Variants in LRRC4C observed in about 807,000 individuals in gnomAD.
The protein encoded by LRRC4C is leucine rich repeat containing 4C, also known as leucine-rich repeat-containing protein 4C.
Under a neutral mutation model 33.6 loss-of-function variants are expected in LRRC4C, and 5 were observed. That is an observed-to-expected ratio of 0.15 (90% CI 0.08 to 0.31). The LOEUF is 0.31. Among genes scored for constraint, LRRC4C ranks in the 10% least tolerant of loss-of-function variants. LRRC4C has a pLI of 1.00. For synonymous variants in LRRC4C, 329 were observed against 302.0 expected, an observed-to-expected ratio of 1.09 and a Z score of -0.93; for missense variants, 560 against 796.7, an observed-to-expected ratio of 0.70 and a Z score of 3.58.
intron 1 of LRRC4C, among the ~76,000 whole-genome samples, chr11:41,437,350 C>T (rs1460813221): frequency 6.6e-6 from 1 of 152,030 alleles, no homozygotes; most frequent in African/African-American, 2.4e-5. Context: ...ACTTTCACTG[C>T]CTTCTTTTCC....
chr11:40,895,841 C>T (rs1182133733), intron 2 of LRRC4C, among the ~76,000 whole-genome samples: 1 of 152,068 alleles, frequency 6.6e-6, no homozygotes, highest in Non-Finnish European at 1.5e-5. Context: ...TGAAGTTATC[C>T]TGGCATCTGA....
intron 3 of LRRC4C, among the ~76,000 whole-genome samples, chr11:40,520,034 T>C (rs1195761160): frequency 1.3e-5 from 2 of 152,232 alleles, no homozygotes; most frequent in East Asian, 1.9e-4. Flanking sequence ...CTGACTCTCT[T>C]GTTAGAGACT....
rs928387525 is a variant in LRRC4C at position 40,243,923 on chromosome 11, C to T, written c.-175-2325G>A. 2.7e-5 allele frequency among the ~76,000 whole-genome samples: 4 copies of T among 148,840 alleles called. No homozygotes were observed. In the East Asian group the frequency reaches 8.0e-4, roughly 30 times the overall value. On this transcript the variant is annotated intron_variant, in intron 4 of 6. Coordinates refer to ENST00000528697, the MANE Select transcript of LRRC4C (RefSeq NM_001258419.2). ...CCATGTTGGCCAGGCTGGTTTTGAA[C>T]TCCTGACTTCAAGTGATCCACCTGC... is the stretch of plus-strand genomic sequence containing the variant.
intron 6 of LRRC4C, among the ~76,000 whole-genome samples, chr11:40,135,054 C>G (rs1217103701): frequency 6.6e-6 from 1 of 152,176 alleles, no homozygotes; most frequent in Non-Finnish European, 1.5e-5. Context: ...ATGCAGATAG[C>G]AGGGATGGCC....
intron 1 of LRRC4C, among the ~76,000 whole-genome samples, chr11:41,395,657 T>C (rs1371317688): frequency 6.6e-6 from 1 of 151,984 alleles, no homozygotes; most frequent in African/African-American, 2.4e-5. Context: ...GAATTGCAAG[T>C]AATTTCCCAA....
At chr11:41,227,838 A>G in intron 1 of LRRC4C, among the ~76,000 whole-genome samples, 1 of 152,108 alleles carries the variant, frequency 6.6e-6, no homozygotes, top group Non-Finnish European at 1.5e-5. Context: ...TTGGATTGAT[A>G]CAGTCTTCTT....
intron 1 of LRRC4C, among the ~76,000 whole-genome samples, chr11:41,002,900 A>G (rs1302920764): frequency 4.6e-5 from 7 of 152,198 alleles, no homozygotes; most frequent in Non-Finnish European, 1.0e-4. Flanking sequence ...AACAAATGCA[A>G]GGTGGTACTT....
chr11:40,328,021 G>A (rs1432859487), intron 3 of LRRC4C, among the ~76,000 whole-genome samples: 2 of 151,896 alleles, frequency 1.3e-5, no homozygotes, highest in African/African-American at 4.8e-5. Flanking sequence ...TAACAAATAT[G>A]TACCACAGAC....
intron 1 of LRRC4C, among the ~76,000 whole-genome samples, chr11:41,346,699 C>T (rs1565600315): frequency 6.6e-6 from 1 of 152,162 alleles, no homozygotes; most frequent in Admixed American, 6.5e-5. Flanking sequence ...GGCATCTTAG[C>T]TTTCAAAAGG....
At chr11:41,297,651 G>A (rs954201503) in intron 1 of LRRC4C, among the ~76,000 whole-genome samples, 1 of 151,914 alleles carries the variant, frequency 6.6e-6, no homozygotes, top group Non-Finnish European at 1.5e-5. Flanking sequence ...AACGATAAAT[G>A]GAAAATACTC....
At chr11:40,126,767 C>A (rs980872501) in intron 6 of LRRC4C, among the ~76,000 whole-genome samples, 1 of 151,810 alleles carries the variant, frequency 6.6e-6, no homozygotes, top group African/African-American at 2.4e-5. Context: ...TCAAGACCAG[C>A]CTGACCAACA....
chr11:40,462,790 G>C (rs932612340), intron 3 of LRRC4C, among the ~76,000 whole-genome samples: 1 of 151,980 alleles, frequency 6.6e-6, no homozygotes, highest in African/African-American at 2.4e-5. Context: ...CAATTCAATG[G>C]AACCAAAGAG....
intron 2 of LRRC4C, among the ~76,000 whole-genome samples, chr11:40,711,028 C>T (rs374111224): frequency 7.9e-5 from 12 of 152,142 alleles, no homozygotes; most frequent in African/African-American, 2.2e-4. Flanking sequence ...CCTGGTGTGC[C>T]ATTTGCTAAG....
chr11:41,041,703 A>T (rs1857450919), intron 1 of LRRC4C, among the ~76,000 whole-genome samples: 1 of 152,174 alleles, frequency 6.6e-6, no homozygotes, highest in Non-Finnish European at 1.5e-5. Flanking sequence ...ATATACTTTC[A>T]TACATACACA....
At chr11:41,338,730 T>C (rs1025421755) in intron 1 of LRRC4C, among the ~76,000 whole-genome samples, 2 of 152,044 alleles carry the variant, frequency 1.3e-5, no homozygotes, top group African/African-American at 4.8e-5. Context: ...AATTAAAAAA[T>C]AAATGCTTGG....
chr11:40,402,867 C>G (rs1949812868), intron 3 of LRRC4C, among the ~76,000 whole-genome samples: 1 of 152,030 alleles, frequency 6.6e-6, no homozygotes, highest in African/African-American at 2.4e-5. Flanking sequence ...ATTATTTGTC[C>G]TAATAGCTGG....
chr11:41,338,669 T>G (rs1019031256), intron 1 of LRRC4C, among the ~76,000 whole-genome samples: 1 of 152,098 alleles, frequency 6.6e-6, no homozygotes, highest in East Asian at 1.9e-4. Flanking sequence ...CACGCCTGCA[T>G]GTTCTGTACA....
At chr11:40,674,862 T>A (rs183205404) in intron 2 of LRRC4C, among the ~76,000 whole-genome samples, 119 of 150,962 alleles carry the variant, frequency 7.9e-4, no homozygotes, top group Non-Finnish European at 3.8e-4. Context: ...ATTAACTCCA[T>A]TTCATAGATG....
chr11:40,316,361 C>T (rs1052977052), intron 4 of LRRC4C, among the ~76,000 whole-genome samples: 2 of 152,002 alleles, frequency 1.3e-5, no homozygotes, highest in East Asian at 3.9e-4. Context: ...AATCAGAAAC[C>T]TGACAAGGCT....
Sources: gnomAD v4.1 joint callset for allele counts (sites outside exome capture counted in the v4.1 genomes callset) on GRCh38, gnomAD v4.1.1 for gene constraint, MANE v1.5 for transcripts, NCBI Gene and HGNC (gene_info 2026-07-23, HGNC 2026-07-21) for gene names.